The following CLCN6 variants were observed in gnomAD, a reference collection of about 807,000 sequenced individuals.
The protein encoded by CLCN6 is H(+)/Cl(-) exchange transporter 6.
Under a neutral mutation model 109.8 loss-of-function variants are expected in CLCN6, and 70 were observed. The observed-to-expected ratio is 0.64, with a 90% confidence interval of 0.53 to 0.78. The LOEUF (loss-of-function observed/expected upper bound fraction) is 0.78, where lower values mean the gene tolerates loss of function less well. CLCN6 is among the 30% of genes least tolerant of loss of function. CLCN6 has a pLI of 0.00. For missense variants in CLCN6, 984 were observed against 1,142.3 expected, an observed-to-expected ratio of 0.86 and a Z score of 2.00; for synonymous variants, 444 against 447.8, an observed-to-expected ratio of 0.99 and a Z score of 0.11.
rs1645039382 is a variant in CLCN6 at position 11,842,617 on chromosome 1, G to T, written c.*2394G>T. On this transcript the variant is annotated 3_prime_UTR_variant, in exon 23 of 23. Transcript: ENST00000346436. ...ATCTGTGGATGGGGAGCCTACGGGT[G>T]GTAAGAAGTGGTGTTTTGTGTTTCA... 1 of 152,708 alleles carries T rather than the reference G, an allele frequency of 6.5e-6. No individual in the cohort carries two copies. 9.5% of individuals were successfully genotyped at this position (152,708 alleles called of 1,614,324 possible). A position where few individuals can be genotyped will look rare whatever the true frequency, so the allele number is the denominator to read the frequency against.
At position 11,828,683 on chromosome 1, in the gene CLCN6, C is replaced by T. The variant is rs560290950; in HGVS notation, c.1121+59C>T. 5.9e-6 allele frequency: 9 copies of T among 1,516,338 alleles called. No individual in the cohort carries two copies. In the East Asian group the frequency reaches 1.6e-4, roughly 27 times the overall value. 93.9% of individuals were successfully genotyped at this position (1,516,338 alleles called of 1,614,324 possible). ...TGCGGCTCCCTGAGCTTGGTGTGGG[C>T]CGCGCCATCTCTCCCGAGGAGCGGA... On this transcript the variant is annotated intron_variant, in intron 12 of 22. Transcript: ENST00000346436.
At position 11,840,484 on chromosome 1, in the gene CLCN6, C is replaced by T; in HGVS notation, c.*261C>T. On this transcript the variant is annotated 3_prime_UTR_variant, in exon 23 of 23. Coordinates refer to ENST00000346436, the MANE Select transcript of CLCN6 (RefSeq NM_001286.5). ...GTGTTCCCACCCTCCAGTGTTGGCA[C>T]AGGCCCACCCCTGGCTCCACCAGAG... 1.8e-6 allele frequency: 1 copy of T among 551,768 alleles called. No homozygotes were observed. The highest frequency in any genetic ancestry group is 2.0e-5 in the South Asian group (1 of 49,848). The allele number at this position is 551,768 out of a possible 1,614,324, so 34.2% of individuals were successfully genotyped here. A position where few individuals can be genotyped will look rare whatever the true frequency, so the allele number is the denominator to read the frequency against.
chr1:11,840,085 C>T (rs77785799), intron 22 of CLCN6, 58 bp from the exon 23 acceptor site: 66,992 of 1,417,566 alleles, frequency 0.047, 1,809 homozygotes, highest in Middle Eastern at 0.11. Flanking sequence ...TCCTGTCACT[C>T]CTGTTCTCGC....
rs1390758305 is a variant in CLCN6, at chr1:11,827,228, A to G, written c.840+7A>G. On this transcript the variant is annotated splice_region_variant and intron_variant, in intron 10 of 22. Transcript: ENST00000346436. ...AGGGCTCACGTGGAAAGTGGTGAGG[A>G]GGACCTTCAGTGAAAGCATTAACCA... is the stretch of plus-strand genomic sequence containing the variant. 7 of 1,608,010 alleles carry G rather than the reference A, an allele frequency of 4.4e-6. No homozygotes were observed. The highest frequency in any genetic ancestry group is 6.0e-6 in the Non-Finnish European group (7 of 1,176,340).
At chr1:11,835,898 C>A (rs1217600317) in intron 17 of CLCN6, 69 bp from the exon 18 acceptor site, 55 of 1,461,962 alleles carry the variant, frequency 3.8e-5, no homozygotes, top group Non-Finnish European at 4.8e-5. Context: ...GCTGGAGAGC[C>A]AGCACAGCTT....
chr1:11,833,152 C>G (rs1271917309), intron 13 of CLCN6, among the ~76,000 whole-genome samples: 1 of 152,076 alleles, frequency 6.6e-6, no homozygotes, highest in African/African-American at 2.4e-5. Flanking sequence ...GTCACTTGCT[C>G]TCACCTGCCT....
intron 2 of CLCN6, among the ~76,000 whole-genome samples, chr1:11,810,668 A>G (rs1644586880): frequency 6.6e-6 from 1 of 152,258 alleles, no homozygotes; most frequent in Admixed American, 6.5e-5. Context: ...CAGAAATAAA[A>G]AGTTAGTCAT....
At chr1:11,835,573 C>T (rs570070474) in intron 17 of CLCN6, among the ~76,000 whole-genome samples, 104 of 152,324 alleles carry the variant, frequency 6.8e-4, no homozygotes, top group African/African-American at 2.3e-3. Context: ...CTGCACCCAG[C>T]CCACCCATTT....
chr1:11,818,192 C>A (rs1206999294), intron 4 of CLCN6, among the ~76,000 whole-genome samples: 1 of 152,058 alleles, frequency 6.6e-6, no homozygotes, highest in Non-Finnish European at 1.5e-5. Flanking sequence ...TAAGCATAGT[C>A]CTTAGGCCTC....
At chr1:11,824,648 T>C (rs546073846) in intron 8 of CLCN6, 95 bp downstream of exon 8, 9 of 924,862 alleles carry the variant, frequency 9.7e-6, no homozygotes, top group South Asian at 1.9e-5. Flanking sequence ...TGACATCACA[T>C]TGGAACCTGG....
intron 13 of CLCN6, among the ~76,000 whole-genome samples, chr1:11,833,161 C>T (rs1644901359): frequency 6.6e-6 from 1 of 152,112 alleles, no homozygotes; most frequent in Admixed American, 6.5e-5. Flanking sequence ...TCTCACCTGC[C>T]TCATATTCCC....
At chr1:11,816,572 C>T in intron 3 of CLCN6, 43 bp from the exon 4 acceptor site, 1 of 1,579,374 alleles carries the variant, frequency 6.3e-7, no homozygotes, top group Non-Finnish European at 8.7e-7. Context: ...CCCTCTGCCA[C>T]CATAACCCTG....
At chr1:11,838,210 C>T (rs912960294) in intron 20 of CLCN6, 125 bp from the exon 21 acceptor site, 5 of 850,730 alleles carry the variant, frequency 5.9e-6, no homozygotes, top group African/African-American at 5.1e-5. Flanking sequence ...GCGCTTGCTG[C>T]TGCTGCACCA....
At chr1:11,816,712 C>T (rs1644677509) in intron 4 of CLCN6, 32 bp downstream of exon 4, 2 of 1,581,920 alleles carry the variant, frequency 1.3e-6, no homozygotes, top group Non-Finnish European at 1.7e-6. Context: ...GGATGGTGGG[C>T]CATAGGGCTG....
intron 1 of CLCN6, 85 bp downstream of exon 1, chr1:11,806,434 T>G: frequency 1.6e-6 from 2 of 1,279,598 alleles, no homozygotes; most frequent in Non-Finnish European, 2.1e-6. Context: ...GCCGGGCCAA[T>G]CTGGGCCCGC....
chr1:11,826,336 G>C, intron 9 of CLCN6, 122 bp downstream of exon 9: 1 of 782,828 alleles, frequency 1.3e-6, no homozygotes. Context: ...CTGGGAGAAG[G>C]GGGCGGGCTT....
chr1:11,825,204 C>T (rs972269559), intron 8 of CLCN6, among the ~76,000 whole-genome samples: 3 of 152,216 alleles, frequency 2.0e-5, no homozygotes, highest in Non-Finnish European at 2.9e-5. Context: ...TCATTTCCCT[C>T]TCCAGTCCTG....
chr1:11,839,999 G>A, intron 22 of CLCN6, 144 bp from the exon 23 acceptor site: 1 of 723,438 alleles, frequency 1.4e-6, no homozygotes, highest in Admixed American at 2.0e-5. Context: ...CTCGTTAGCT[G>A]TTTATCCCAA....
intron 9 of CLCN6, among the ~76,000 whole-genome samples, chr1:11,826,476 A>G (rs966612042): frequency 6.6e-6 from 1 of 152,250 alleles, no homozygotes; most frequent in Non-Finnish European, 1.5e-5. Context: ...CCCAACCAAG[A>G]AAGGCCACAG....
Sources: allele counts gnomAD v4.1 joint callset (sites outside exome capture counted in the v4.1 genomes callset), GRCh38; gene constraint gnomAD v4.1.1; transcripts MANE v1.5; gene names NCBI Gene and HGNC (gene_info 2026-07-23, HGNC 2026-07-21).